ZP4: variants seen among roughly 807,000 people sequenced by gnomAD.
ZP4 encodes the protein zona pellucida glycoprotein 4.
A neutral mutation model predicts 62.3 loss-of-function variants in ZP4; 62 were observed. The observed-to-expected ratio is 0.99, with a 90% CI of 0.81 to 1.23. The LOEUF is 1.23. Ranked by LOEUF, ZP4 falls within the 50% of genes most tolerant of loss-of-function variation. ZP4 has a pLI of 0.00. For missense variants in ZP4, 774 were observed against 656.0 expected (o/e 1.18, Z -1.97); for synonymous variants, 289 against 247.3 (o/e 1.17, Z -1.58).
intron 4 of ZP4, among the ~76,000 whole-genome samples, chr1:237,888,118 G>A (rs940262647): frequency 3.3e-5 from 5 of 152,222 alleles, no homozygotes; most frequent in Admixed American, 1.3e-4. Flanking sequence ...TCTGGCACTA[G>A]CAATTATCTG....
Position 237,889,987 on chromosome 1 carries a change from TG to T in ZP4, c.298-19del. Reference sequence around the variant, plus strand: ...TGGGAGTCCTGGAGAGACAGGCCCTTGGGGGTCAGCCTGGATGGTAGCATGA... The same window carrying T: ...TGGGAGTCCTGGAGAGACAGGCCCTTGGGGTCAGCCTGGATGGTAGCATGA... On this transcript the variant is annotated intron_variant, in intron 2 of 11. Coordinates refer to ENST00000366570, the MANE Select transcript of ZP4 (RefSeq NM_021186.5). 1.1e-5 allele frequency: 18 copies of T among 1,614,136 alleles called. No individual in the cohort carries two copies. The highest frequency in any genetic ancestry group is 1.5e-5 in the Non-Finnish European group (18 of 1,180,032).
In ZP4 at chr1:237,885,445, G is replaced by A; in HGVS notation, c.1106C>T (p.Ala369Val). The part of the protein sequence containing the change: ...YLGLLLQQCW[A>V]TPSTDPLSQP... ...ACTCAGGGGGTCAGTGCTGGGTGTT[G>A]CCCAACACTGTTGTAGGAGCAGCCC... is the stretch of plus-strand genomic sequence containing the variant. Residue 369 changes from alanine to valine, a missense_variant, in exon 8 of 12, where the codon GCA (alanine) becomes GTA (valine). Ala to Val is a moderately conservative substitution (Grantham distance 64). Coordinates refer to ENST00000366570, the MANE Select transcript of ZP4 (RefSeq NM_021186.5). 12 of 1,614,030 alleles carry A rather than the reference G, an allele frequency of 7.4e-6. No homozygotes were observed. Among genetic ancestry groups the A allele is most frequent in the South Asian group, 3.3e-5 (3 of 91,066 alleles).
rs536187390 is a variant in ZP4 at position 237,887,449 on chromosome 1, C to G, written c.666G>C (p.Ala222=). The G allele has an allele frequency of 6.8e-6, 11 of 1,614,172 alleles. No homozygotes were observed. Among genetic ancestry groups the G allele is most frequent in the East Asian group, 2.2e-5 (1 of 44,884 alleles). The change falls in exon 5 of 12, where the codon GCG becomes GCC. Residue 222 remains alanine, a synonymous_variant. Coordinates refer to ENST00000366570, the MANE Select transcript of ZP4 (RefSeq NM_021186.5). The part of the protein sequence containing the change: ...SVRLALRNDS[A]CNPVMATQAF... ...CTTGTGTTGCCATCACAGGGTTACA[C>G]GCACTGTCATTCCTAAGGGCCAAGC...
chr1:237,887,822 G>A (rs1045708401), intron 4 of ZP4, among the ~76,000 whole-genome samples: 6 of 152,158 alleles, frequency 3.9e-5, no homozygotes, highest in African/African-American at 1.4e-4. Flanking sequence ...TGTTAAGAGG[G>A]GGATAGTAGT....
At chr1:237,886,511 A>G (rs1459524182) in intron 6 of ZP4, among the ~76,000 whole-genome samples, 1 of 152,134 alleles carries the variant, frequency 6.6e-6, no homozygotes, top group Non-Finnish European at 1.5e-5. Flanking sequence ...TGTAGGCTGA[A>G]ATGTAGAATG....
intron 3 of ZP4, among the ~76,000 whole-genome samples, chr1:237,889,315 AT>A (rs11348205): frequency 0.18 from 22,145 of 125,646 alleles, 1,623 homozygotes; most frequent in East Asian, 0.3. Flanking sequence ...GATAGGTTGT[AT>A]TTTTTTTTTT....
At chr1:237,884,968 A>T in intron 9 of ZP4, 121 bp from the exon 10 acceptor site, 1 of 1,239,446 alleles carries the variant, frequency 8.1e-7, no homozygotes, top group Non-Finnish European at 1.1e-6. Context: ...GTCCAAGTTG[A>T]TATCACAATG....
Position 237,890,176 on chromosome 1 carries a change from T to G in ZP4, c.176A>C (p.Asp59Ala), listed in dbSNP as rs1436199913. ...ATSPPVLIAW[D>A]NQGLLHELQN... Reference sequence around the variant, plus strand: ...CAGCTCGTGCAGCAGCCCTTGGTTGTCTGGAGGGGTGGGGAAGAGGTGAGA... The same window carrying G: ...CAGCTCGTGCAGCAGCCCTTGGTTGGCTGGAGGGGTGGGGAAGAGGTGAGA... Residue 59 changes from aspartate to alanine, a missense_variant and splice_region_variant, in exon 2 of 12, where the codon GAC becomes GCC. By Grantham distance (126) the Asp-to-Ala change is moderately radical. Transcript: ENST00000366570. 1.9e-6 allele frequency: 3 copies of G among 1,613,696 alleles called. No individual in the cohort carries two copies. In the African/African-American group the frequency reaches 4.0e-5, roughly 22 times the overall value.
Position 237,884,001 on chromosome 1 carries a change from C to A in ZP4, c.1390+768G>T, listed in dbSNP as rs868415244. 6.8e-3 allele frequency among the ~76,000 whole-genome samples: 580 copies of A among 85,272 alleles called. 15 individuals are homozygous for A. Among genetic ancestry groups the A allele is most frequent in the African/African-American group, 0.025 (484 of 19,656 alleles). The allele number at this position is 85,272 out of a possible 152,430, so 55.9% of individuals were successfully genotyped here. A position where few individuals can be genotyped will look rare whatever the true frequency, so the allele number is the denominator to read the frequency against. The stretch of plus-strand genomic sequence containing the variant: ...ACACACAAACACACACACACACACA[C>A]ACACACACACACACAAACACACACA... On this transcript the variant is annotated intron_variant, in intron 10 of 11. Coordinates refer to ENST00000366570, the MANE Select transcript of ZP4 (RefSeq NM_021186.5).
chr1:237,887,672 A>G (rs1665138065), intron 4 of ZP4, 111 bp from the exon 5 acceptor site: 2 of 1,147,856 alleles, frequency 1.7e-6, no homozygotes, highest in Non-Finnish European at 1.2e-6. Context: ...GCTGGTGACA[A>G]CTTCCCAGTG....
chr1:237,884,916 T>TC (rs1665059429), intron 9 of ZP4, 69 bp from the exon 10 acceptor site: 3 of 1,520,358 alleles, frequency 2.0e-6, no homozygotes, highest in Non-Finnish European at 2.7e-6. Context: ...CTGCTTTGCC[T>TC]CCCCAGGAAG....
intron 11 of ZP4, 37 bp downstream of exon 11, chr1:237,882,705 G>C: frequency 6.2e-7 from 1 of 1,604,350 alleles, no homozygotes; most frequent in Non-Finnish European, 8.5e-7. Flanking sequence ...TAGTAATTTA[G>C]TTCACTAGTT....
chr1:237,890,657 C>A lies in ZP4; in HGVS notation c.-22G>T. 6.2e-7 allele frequency: 1 copy of A among 1,603,114 alleles called. No individual in the cohort carries two copies. The highest frequency in any genetic ancestry group is 1.1e-5 in the South Asian group (1 of 89,612). On this transcript the variant is annotated 5_prime_UTR_variant, in exon 1 of 12. Coordinates refer to ENST00000366570, the MANE Select transcript of ZP4 (RefSeq NM_021186.5). ...ACATAATGCTACCAGGAGTTCCTGCCGGCTGCAGACTCTCCGCCTCCTCTC... is the reference window on the plus strand; with the variant it reads ...ACATAATGCTACCAGGAGTTCCTGCAGGCTGCAGACTCTCCGCCTCCTCTC...
In ZP4 at chr1:237,890,157, G is replaced by T. The variant is rs527859514; in HGVS notation, c.195C>A (p.His65Gln). The T allele has an allele frequency of 6.2e-7, 1 of 1,613,986 alleles. No homozygotes were observed. Among genetic ancestry groups the T allele is most frequent in the Non-Finnish European group, 8.5e-7 (1 of 1,180,012 alleles). The stretch of plus-strand genomic sequence containing the variant: ...CACAGTCGGAGTCATTCTGCAGCTC[G>T]TGCAGCAGCCCTTGGTTGTCTGGAG... ...LIAWDNQGLL[H>Q]ELQNDSDCGT... The change falls in exon 2 of 12, where the codon CAC becomes CAA. Residue 65 changes from histidine (H) to glutamine (Q), a missense_variant. His to Gln is a conservative substitution (Grantham distance 24). Coordinates refer to ENST00000366570, the MANE Select transcript of ZP4 (RefSeq NM_021186.5).
intron 4 of ZP4, among the ~76,000 whole-genome samples, chr1:237,888,153 T>C (rs1406909525): frequency 6.6e-6 from 1 of 152,232 alleles, no homozygotes; most frequent in African/African-American, 2.4e-5. Flanking sequence ...AGTCTGAGCG[T>C]TATTGACTTT....
chr1:237,887,075 A>G (rs745560087), intron 5 of ZP4, among the ~76,000 whole-genome samples: 8 of 152,206 alleles, frequency 5.3e-5, no homozygotes, highest in South Asian at 2.1e-4. Flanking sequence ...GAATTTGAGC[A>G]CCTAGGAGAG....
intron 4 of ZP4, among the ~76,000 whole-genome samples, chr1:237,887,850 T>C (rs540205508): frequency 4.6e-5 from 7 of 151,660 alleles, no homozygotes; most frequent in African/African-American, 9.7e-5. Context: ...TCATTTTGCT[T>C]GTCAGTTAAG....
At position 237,885,428 on chromosome 1, in the gene ZP4, G is replaced by C. The variant is rs543227687; in HGVS notation, c.1123C>G (p.Pro375Ala). Residue 375 changes from proline to alanine, a missense_variant, in exon 8 of 12, where the codon CCC becomes GCC. Coordinates refer to ENST00000366570, the MANE Select transcript of ZP4 (RefSeq NM_021186.5). ...QQCWATPSTD[P>A]LSQPQWPILV... ...ATGGGCCACTGTGGCTGACTCAGGG[G>C]GTCAGTGCTGGGTGTTGCCCAACAC... 3 of 1,613,176 alleles carry C rather than the reference G, an allele frequency of 1.9e-6. No individual in the cohort carries two copies. The Admixed American group carries it at 5.0e-5, about 27-fold the overall frequency.
Position 237,887,327 on chromosome 1 carries a change from C to A in ZP4, c.741+47G>T, listed in dbSNP as rs73112215. On this transcript the variant is annotated intron_variant, in intron 5 of 11. Transcript: ENST00000366570. The stretch of plus-strand genomic sequence containing the variant: ...AGCTCTCCCCCACTAGTCACTACAA[C>A]CTTCCCACCCAACTTCCAGAGCCAG... 2,826 of 1,598,002 alleles carry A rather than the reference C, an allele frequency of 1.8e-3. 42 individuals are homozygous for A. The African/African-American group carries it at 0.032, about 18-fold the overall frequency.
Sources: allele counts gnomAD v4.1 joint callset (sites outside exome capture counted in the v4.1 genomes callset), GRCh38; gene constraint gnomAD v4.1.1; transcripts MANE v1.5; gene names NCBI Gene and HGNC (gene_info 2026-07-23, HGNC 2026-07-21).